The following ATP11B variants were observed in gnomAD, a reference collection of about 807,000 sequenced individuals.
The protein encoded by ATP11B is ATPase phospholipid transporting 11B (putative).
Under a neutral mutation model 157.8 loss-of-function variants are expected in ATP11B, and 81 were observed. The ratio of observed to expected loss-of-function variants is 0.51; its 90% CI spans 0.43 to 0.62. ATP11B has a LOEUF of 0.62. ATP11B is among the 20% of genes least tolerant of loss of function. The pLI is 0.00. For missense variants in ATP11B, 1,165 were observed against 1,402.2 expected, an observed-to-expected ratio of 0.83 and a Z score of 2.70; for synonymous variants, 451 against 469.4, an observed-to-expected ratio of 0.96 and a Z score of 0.51.
At chr3:182,898,875 C>T in intron 28 of ATP11B, 103 bp downstream of exon 28, 1 of 769,746 alleles carries the variant, frequency 1.3e-6, no homozygotes, top group Non-Finnish European at 1.9e-6. Flanking sequence ...AGGAAATTAG[C>T]CATTCCTGTT....
chr3:182,879,771 A>G (rs528119627), intron 20 of ATP11B, 122 bp downstream of exon 20: 2 of 829,732 alleles, frequency 2.4e-6, no homozygotes, highest in South Asian at 5.7e-5. Context: ...GCTAGGAGTC[A>G]GTCACATCTC....
intron 7 of ATP11B, among the ~76,000 whole-genome samples, chr3:182,838,413 G>T (rs1487445984): frequency 6.6e-6 from 1 of 151,884 alleles, no homozygotes; most frequent in Non-Finnish European, 1.5e-5. Flanking sequence ...TAATGCTTTG[G>T]TGTATGGTTT....
intron 9 of ATP11B, among the ~76,000 whole-genome samples, chr3:182,847,714 C>T (rs940715988): frequency 6.6e-6 from 1 of 152,088 alleles, no homozygotes; most frequent in African/African-American, 2.4e-5. Context: ...GTTAATTTGT[C>T]ATACAGACCT....
At chr3:182,894,641 C>T (rs913322749) in intron 25 of ATP11B, among the ~76,000 whole-genome samples, 6 of 152,152 alleles carry the variant, frequency 3.9e-5, no homozygotes, top group Non-Finnish European at 8.8e-5. Context: ...CCACAAAAAG[C>T]TATGTGAATG....
At chr3:182,915,751 C>A in intron 29 of ATP11B, 1 of 985,178 alleles carries the variant, frequency 1.0e-6, no homozygotes, top group South Asian at 4.7e-5. Flanking sequence ...GCAGCATTAC[C>A]TCTTTTGAAC....
chr3:182,807,342 A>G (rs1716386672), intron 1 of ATP11B, among the ~76,000 whole-genome samples: 1 of 152,164 alleles, frequency 6.6e-6, no homozygotes, highest in Non-Finnish European at 1.5e-5. Context: ...TTGTAGAGGA[A>G]AAAGAAAAAA....
rs1033072409 is a variant in ATP11B, at chr3:182,863,331, A to G, written c.1201-2125A>G. ...AAGGCCCATTTTTACTTTTCTGAAT[A>G]AATTTTTCCAATCTGCCTTTGACCT... is the stretch of plus-strand genomic sequence containing the variant. On this transcript the variant is annotated intron_variant, in intron 12 of 29. Transcript: ENST00000323116. 2.0e-5 allele frequency among the ~76,000 whole-genome samples: 3 copies of G among 152,260 alleles called. No homozygotes were observed. The South Asian group carries it at 6.2e-4, about 32-fold the overall frequency.
At chr3:182,875,407 C>G (rs1247325001) in intron 19 of ATP11B, among the ~76,000 whole-genome samples, 1 of 151,128 alleles carries the variant, frequency 6.6e-6, no homozygotes, top group African/African-American at 2.5e-5. Context: ...AAAGACCATG[C>G]AGGGGATTTT....
intron 4 of ATP11B, among the ~76,000 whole-genome samples, chr3:182,834,547 G>GTA (rs1222531475): frequency 6.6e-6 from 1 of 152,072 alleles, no homozygotes; most frequent in East Asian, 1.9e-4. Flanking sequence ...AACCTATTCT[G>GTA]TACCTTACCT....
chr3:182,897,220 T>G, intron 26 of ATP11B, 83 bp from the exon 27 acceptor site: 3 of 739,534 alleles, frequency 4.1e-6, no homozygotes, highest in East Asian at 2.8e-5. Context: ...TAGATACTTA[T>G]GTTTATTCTT....
At chr3:182,911,817 G>C (rs1460405927) in intron 28 of ATP11B, among the ~76,000 whole-genome samples, 1 of 152,212 alleles carries the variant, frequency 6.6e-6, no homozygotes, top group African/African-American at 2.4e-5. Context: ...CAAATAAGCA[G>C]TGAAATAGAA....
chr3:182,819,543 A>G (rs1020242032), intron 1 of ATP11B, among the ~76,000 whole-genome samples: 1 of 152,204 alleles, frequency 6.6e-6, no homozygotes, highest in Non-Finnish European at 1.5e-5. Context: ...GCCTTGACAG[A>G]TGGTCTTCTC....
chr3:182,793,717 C>G lies in ATP11B; in HGVS notation c.-43C>G, dbSNP rs1489001936. On this transcript the variant is annotated 5_prime_UTR_variant, in exon 1 of 30. Coordinates refer to ENST00000323116, the MANE Select transcript of ATP11B (RefSeq NM_014616.3). The stretch of plus-strand genomic sequence containing the variant: ...TTGTCGGCCTCCACCTGCAGCCCCG[C>G]GGCCCCCGCGCCCCGCGGGACCCGG... The G allele has an allele frequency of 6.5e-6, 9 of 1,383,218 alleles. No homozygotes were observed. Among genetic ancestry groups the G allele is most frequent in the Non-Finnish European group, 8.5e-6 (9 of 1,054,758 alleles). The allele number at this position is 1,383,218 out of a possible 1,614,324, so 85.7% of individuals were successfully genotyped here.
chr3:182,826,088 A>G (rs1717701002), intron 2 of ATP11B, among the ~76,000 whole-genome samples: 1 of 152,218 alleles, frequency 6.6e-6, no homozygotes, highest in African/African-American at 2.4e-5. Flanking sequence ...TTATTTTCTT[A>G]GCAGTATTTT....
chr3:182,831,171 G>A (rs537996009), intron 4 of ATP11B, among the ~76,000 whole-genome samples: 48 of 152,176 alleles, frequency 3.2e-4, no homozygotes, highest in African/African-American at 1.1e-3. Flanking sequence ...AACATGACTC[G>A]ATTTTTTTCC....
At chr3:182,859,539 A>G (rs1185951594) in intron 12 of ATP11B, among the ~76,000 whole-genome samples, 180 bp downstream of exon 12, 3 of 152,040 alleles carry the variant, frequency 2.0e-5, no homozygotes, top group South Asian at 2.1e-4. Context: ...ATTTACCACT[A>G]TATTTCTATT....
chr3:182,910,866 A>ATTTCCAG (rs1421508903), intron 28 of ATP11B, among the ~76,000 whole-genome samples: 1 of 152,156 alleles, frequency 6.6e-6, no homozygotes, highest in Non-Finnish European at 1.5e-5. Flanking sequence ...TTTTGTTTTA[A>ATTTCCAG]TTTCCAGTTT....
chr3:182,804,238 C>CT (rs1397039202), intron 1 of ATP11B, among the ~76,000 whole-genome samples: 55 of 148,512 alleles, frequency 3.7e-4, no homozygotes, highest in African/African-American at 1.1e-3. Context: ...ATTTAGATTT[C>CT]TTTTTTTTTT....
chr3:182,838,285 A>G (rs1018749606), intron 7 of ATP11B, among the ~76,000 whole-genome samples: 2 of 151,996 alleles, frequency 1.3e-5, no homozygotes, highest in Non-Finnish European at 2.9e-5. Context: ...TAAGATTTCT[A>G]TATTGCTGTT....
Sources: allele counts gnomAD v4.1 joint callset (sites outside exome capture counted in the v4.1 genomes callset), GRCh38; gene constraint gnomAD v4.1.1; transcripts MANE v1.5; gene names NCBI Gene and HGNC (gene_info 2026-07-23, HGNC 2026-07-21).